RASD1: variants seen among roughly 807,000 people sequenced by gnomAD.
The protein encoded by RASD1 is dexamethasone-induced Ras-related protein 1.
RASD1 carries 13 observed loss-of-function variants against 16.7 expected under a neutral mutation model. That is an observed-to-expected ratio of 0.78 (90% CI 0.51 to 1.24). RASD1 has a LOEUF of 1.24. Ranked by LOEUF, RASD1 falls within the 50% of genes most tolerant of loss-of-function variation. RASD1 has a pLI of 0.00. For synonymous variants in RASD1, 170 were observed against 172.6 expected (o/e 0.98, Z 0.12); for missense variants, 397 against 407.5 (o/e 0.97, Z 0.22).
Position 17,495,428 on chromosome 17 carries a change from GTTC to G in RASD1, c.540_542del (p.Lys180del), listed in dbSNP as rs765782505. On this transcript the variant is annotated inframe_deletion, in exon 2 of 2. Transcript: ENST00000225688. ...CGCGGAACATCTGGTCCAGGCTGCTGTTCTTCTTGGCCGAGATCTCGAAGTAGG... is the reference window on the plus strand; with the variant it reads ...CGCGGAACATCTGGTCCAGGCTGCTGTTCTTGGCCGAGATCTCGAAGTAGG... 5.0e-6 allele frequency: 8 copies of G among 1,607,434 alleles called. No individual in the cohort carries two copies. Among genetic ancestry groups the G allele is most frequent in the East Asian group, 4.5e-5 (2 of 44,624 alleles).
chr17:17,495,309 G>T lies in RASD1; in HGVS notation c.662C>A (p.Ala221Glu). The T allele has an allele frequency of 6.4e-7, 1 of 1,554,350 alleles. No individual in the cohort carries two copies. Residue 221 changes from alanine (A) to glutamate (E), a missense_variant, in exon 2 of 2, where the codon GCG (alanine) becomes GAG (glutamate). By Grantham distance (107) the Ala-to-Glu change is moderately radical (BLOSUM62 -1). Coordinates refer to ENST00000225688, the MANE Select transcript of RASD1 (RefSeq NM_016084.5). ...CCGCAGCAGCTTCTTGTTCCGCAGC[G>T]CCTTCTTGTGCAGCACGTCGCAGTA... ...VQYCDVLHKK[A>E]LRNKKLLRAG...
chr17:17,494,984 C>T lies in RASD1; in HGVS notation c.*141G>A. 1 of 1,052,518 alleles carries T rather than the reference C, an allele frequency of 9.5e-7. No individual in the cohort carries two copies. The highest frequency in any genetic ancestry group is 1.4e-6 in the Non-Finnish European group (1 of 739,384). 65.2% of individuals were successfully genotyped at this position (1,052,518 alleles called of 1,614,324 possible). A position where few individuals can be genotyped will look rare whatever the true frequency, so the allele number is the denominator to read the frequency against. On this transcript the variant is annotated 3_prime_UTR_variant, in exon 2 of 2. Coordinates refer to ENST00000225688, the MANE Select transcript of RASD1 (RefSeq NM_016084.5). Reference sequence around the variant, plus strand: ...TGACCGTCCCTTCTCGGTTCAGTGGCGCCTCCCCAGTGCTGGGGGCGGATC... The same window carrying T: ...TGACCGTCCCTTCTCGGTTCAGTGGTGCCTCCCCAGTGCTGGGGGCGGATC...
rs530381159 is a variant in RASD1, at chr17:17,496,312, G to C, written c.-131C>G. ...GGGCTGGGCGCGGCTCGGGCTTGGG[G>C]CTCCGGCTCCGCTCGGGCTGGGCTC... On this transcript the variant is annotated 5_prime_UTR_variant, in exon 1 of 2. Coordinates refer to ENST00000225688, the MANE Select transcript of RASD1 (RefSeq NM_016084.5). The C allele has an allele frequency of 6.1e-4, 600 of 990,642 alleles. 3 individuals carry two copies. The African/African-American group carries it at 9.4e-3, about 15-fold the overall frequency. The allele number at this position is 990,642 out of a possible 1,614,324, so 61.4% of individuals were successfully genotyped here.
At position 17,495,090 on chromosome 17, in the gene RASD1, C is replaced by T; in HGVS notation, c.*35G>A. On this transcript the variant is annotated 3_prime_UTR_variant, in exon 2 of 2. Coordinates refer to ENST00000225688, the MANE Select transcript of RASD1 (RefSeq NM_016084.5). The stretch of plus-strand genomic sequence containing the variant: ...GTTGGATTTGACTTAACAAAAAGGT[C>T]CTCCTTAGGTTGTGTCGCCAGCGCG... 6.2e-7 allele frequency: 1 copy of T among 1,600,346 alleles called. No homozygotes were observed. Among genetic ancestry groups the T allele is most frequent in the African/African-American group, 1.4e-5 (1 of 74,022 alleles).
In RASD1 at chr17:17,495,113, G is replaced by C. The variant is rs749596673; in HGVS notation, c.*12C>G. ...GTCCTCCTTAGGTTGTGTCGCCAGC[G>C]CGGCGGGGCTCCTAGCTGATGACGC... On this transcript the variant is annotated 3_prime_UTR_variant, in exon 2 of 2. Coordinates refer to ENST00000225688, the MANE Select transcript of RASD1 (RefSeq NM_016084.5). The C allele has an allele frequency of 1.9e-6, 3 of 1,609,812 alleles. No individual in the cohort carries two copies. In the Admixed American group the frequency reaches 5.0e-5, roughly 27 times the overall value.
In RASD1 at chr17:17,495,002, G is replaced by A. The variant is rs1905361173; in HGVS notation, c.*123C>T. 1.0e-4 allele frequency: 130 copies of A among 1,241,868 alleles called. 1 individual carries two copies. The South Asian group carries it at 1.8e-3, about 18-fold the overall frequency. 76.9% of individuals were successfully genotyped at this position (1,241,868 alleles called of 1,614,324 possible). A position where few individuals can be genotyped will look rare whatever the true frequency, so the allele number is the denominator to read the frequency against. The stretch of plus-strand genomic sequence containing the variant: ...TCAGTGGCGCCTCCCCAGTGCTGGG[G>A]GCGGATCGCCGGGAGGGGAGACGCC... On this transcript the variant is annotated 3_prime_UTR_variant, in exon 2 of 2. Coordinates refer to ENST00000225688, the MANE Select transcript of RASD1 (RefSeq NM_016084.5).
rs751107166 is a variant in RASD1 at position 17,495,181 on chromosome 17, C to T, written c.790G>A (p.Glu264Lys). ...GCCTGGCTGCCGGCGCTGGCCTTCTCGCGGATGTACATGAGGTCGCTGTGT... is the reference window on the plus strand; with the variant it reads ...GCCTGGCTGCCGGCGCTGGCCTTCTTGCGGATGTACATGAGGTCGCTGTGT... ...SVHSDLMYIR[E>K]KASAGSQAKD... Residue 264 changes from glutamate (E) to lysine (K), a missense_variant, in exon 2 of 2, where the codon GAG becomes AAG. Physicochemically the swap from Glu to Lys is moderately conservative, Grantham distance 56. Transcript: ENST00000225688. 2 of 1,611,798 alleles carry T rather than the reference C, an allele frequency of 1.2e-6. No homozygotes were observed. Among genetic ancestry groups the T allele is most frequent in the East Asian group, 2.2e-5 (1 of 44,848 alleles).
At position 17,496,307 on chromosome 17, in the gene RASD1, T is replaced by C; in HGVS notation, c.-126A>G. 9.3e-7 allele frequency: 1 copy of C among 1,070,140 alleles called. No individual in the cohort carries two copies. The highest frequency in any genetic ancestry group is 1.3e-6 in the Non-Finnish European group (1 of 775,850). The allele number at this position is 1,070,140 out of a possible 1,614,324, so 66.3% of individuals were successfully genotyped here. On this transcript the variant is annotated 5_prime_UTR_variant, in exon 1 of 2. Coordinates refer to ENST00000225688, the MANE Select transcript of RASD1 (RefSeq NM_016084.5). ...TGCTCGGGCTGGGCGCGGCTCGGGC[T>C]TGGGGCTCCGGCTCCGCTCGGGCTG...
In RASD1 at chr17:17,495,490, C is replaced by G; in HGVS notation, c.481G>C (p.Glu161Gln). ...FYREVDQREI[E>Q]QLVGDDPQRC... ...TGGGGGTCGTCGCCCACCAGCTGCT[C>G]GATCTCGCGCTGGTCCACCTCGCGG... The change falls in exon 2 of 2, where the codon GAG (glutamate) becomes CAG (glutamine). Residue 161 changes from glutamate (E) to glutamine (Q), a missense_variant. Physicochemically the swap from Glu to Gln is conservative, Grantham distance 29 (BLOSUM62 2). Coordinates refer to ENST00000225688, the MANE Select transcript of RASD1 (RefSeq NM_016084.5). The G allele has an allele frequency of 6.2e-7, 1 of 1,610,810 alleles. No individual in the cohort carries two copies. Among genetic ancestry groups the G allele is most frequent in the Admixed American group, 1.7e-5 (1 of 59,772 alleles).
rs1905438126 is a variant in RASD1, at chr17:17,496,259, C to G, written c.-78G>C. The G allele has an allele frequency of 7.0e-7, 1 of 1,437,038 alleles. No individual in the cohort carries two copies. Among genetic ancestry groups the G allele is most frequent in the African/African-American group, 1.4e-5 (1 of 70,442 alleles). 89.0% of individuals were successfully genotyped at this position (1,437,038 alleles called of 1,614,324 possible). ...GGCTGAGGGTCGCTGGGGTGGCACGCGGGGTGAGCGGCTGGAGGGCTCTGC... is the reference window on the plus strand; with the variant it reads ...GGCTGAGGGTCGCTGGGGTGGCACGGGGGGTGAGCGGCTGGAGGGCTCTGC... On this transcript the variant is annotated 5_prime_UTR_variant, in exon 1 of 2. Coordinates refer to ENST00000225688, the MANE Select transcript of RASD1 (RefSeq NM_016084.5).
rs995920304 is a variant in RASD1 at position 17,494,856 on chromosome 17, T to C, written c.*269A>G. On this transcript the variant is annotated 3_prime_UTR_variant, in exon 2 of 2. Coordinates refer to ENST00000225688, the MANE Select transcript of RASD1 (RefSeq NM_016084.5). ...TTGAGAAGATAAATCCACCCTCGGCTGGGCCCTCGCTCCCAAAGTTATGGG... is the reference window on the plus strand; with the variant it reads ...TTGAGAAGATAAATCCACCCTCGGCCGGGCCCTCGCTCCCAAAGTTATGGG... 4 of 557,832 alleles carry C rather than the reference T, an allele frequency of 7.2e-6. No individual in the cohort carries two copies. In the African/African-American group the frequency reaches 8.0e-5, roughly 11 times the overall value. The allele number at this position is 557,832 out of a possible 1,614,324, so 34.6% of individuals were successfully genotyped here. A position where few individuals can be genotyped will look rare whatever the true frequency, so the allele number is the denominator to read the frequency against.
chr17:17,496,298 G>A lies in RASD1; in HGVS notation c.-117C>T, dbSNP rs989254319. On this transcript the variant is annotated 5_prime_UTR_variant, in exon 1 of 2. Coordinates refer to ENST00000225688, the MANE Select transcript of RASD1 (RefSeq NM_016084.5). Reference sequence around the variant, plus strand: ...GGAGGGCTCTGCTCGGGCTGGGCGCGGCTCGGGCTTGGGGCTCCGGCTCCG... The same window carrying A: ...GGAGGGCTCTGCTCGGGCTGGGCGCAGCTCGGGCTTGGGGCTCCGGCTCCG... 112 of 1,185,698 alleles carry A rather than the reference G, an allele frequency of 9.4e-5. No homozygotes were observed. The highest frequency in any genetic ancestry group is 1.2e-4 in the Non-Finnish European group (108 of 874,534). 73.4% of individuals were successfully genotyped at this position (1,185,698 alleles called of 1,614,324 possible). A position where few individuals can be genotyped will look rare whatever the true frequency, so the allele number is the denominator to read the frequency against.
Position 17,494,893 on chromosome 17 carries a change from T to G in RASD1, c.*232A>C. The G allele has an allele frequency of 3.3e-6, 2 of 602,900 alleles. No individual in the cohort carries two copies. Among genetic ancestry groups the G allele is most frequent in the Non-Finnish European group, 5.6e-6 (2 of 355,780 alleles). The allele number at this position is 602,900 out of a possible 1,614,324, so 37.3% of individuals were successfully genotyped here. A position where few individuals can be genotyped will look rare whatever the true frequency, so the allele number is the denominator to read the frequency against. ...CCCAAAGTTATGGGGGTGGCGGGCCTCAATGGGGGACCGGGGGTGGGGAAT... is the reference window on the plus strand; with the variant it reads ...CCCAAAGTTATGGGGGTGGCGGGCCGCAATGGGGGACCGGGGGTGGGGAAT... On this transcript the variant is annotated 3_prime_UTR_variant, in exon 2 of 2. Coordinates refer to ENST00000225688, the MANE Select transcript of RASD1 (RefSeq NM_016084.5).
chr17:17,495,718 G>T (rs769331178), intron 1 of RASD1, 34 bp from the exon 2 acceptor site: 4 of 1,557,720 alleles, frequency 2.6e-6, no homozygotes, highest in Non-Finnish European at 1.7e-6. Flanking sequence ...AAAGGAGAAG[G>T]TGAGGGTGGC....
In RASD1 at chr17:17,496,371, G is replaced by T; in HGVS notation, c.-190C>A. 1.6e-6 allele frequency: 1 copy of T among 607,034 alleles called. No individual in the cohort carries two copies. The highest frequency in any genetic ancestry group is 2.7e-6 in the Non-Finnish European group (1 of 374,242). The allele number at this position is 607,034 out of a possible 1,614,324, so 37.6% of individuals were successfully genotyped here. On this transcript the variant is annotated 5_prime_UTR_variant, in exon 1 of 2. Transcript: ENST00000225688. ...CTGGGCTCGGCTGGGGTTCTCCCAG[G>T]ATCTGGGCACAGGCCGCTTGCTCTG...
Position 17,494,647 on chromosome 17 carries a change from C to T in RASD1, c.*478G>A, listed in dbSNP as rs1905344550. The T allele has an allele frequency of 5.5e-6, 1 of 182,284 alleles. No individual in the cohort carries two copies. The highest frequency in any genetic ancestry group is 1.3e-4 in the South Asian group (1 of 7,686). 11.3% of individuals were successfully genotyped at this position (182,284 alleles called of 1,614,324 possible). A position where few individuals can be genotyped will look rare whatever the true frequency, so the allele number is the denominator to read the frequency against. On this transcript the variant is annotated 3_prime_UTR_variant, in exon 2 of 2. Transcript: ENST00000225688. ...ACAAGTCACTTGGCTATGATTTGAC[C>T]CACGCCCCCCCGCTTAGTTTTGGGA...
At chr17:17,495,782 C>T (rs1005469639) in intron 1 of RASD1, 98 bp from the exon 2 acceptor site, 53 of 1,458,102 alleles carry the variant, frequency 3.6e-5, no homozygotes, top group Non-Finnish European at 4.7e-5. Context: ...GCGCTAGCCT[C>T]TCTAAGCGCG....
At chr17:17,495,872 G>T in intron 1 of RASD1, 24 bp downstream of exon 1, 1 of 1,013,802 alleles carries the variant, frequency 9.9e-7, no homozygotes. Context: ...CTTCCCTCCC[G>T]CACCTGCCCG....
Position 17,495,058 on chromosome 17 carries a change from C to T in RASD1, c.*67G>A, listed in dbSNP as rs554997334. The T allele has an allele frequency of 6.7e-5, 105 of 1,570,328 alleles. No individual in the cohort carries two copies. In the African/African-American group the frequency reaches 1.3e-3, roughly 20 times the overall value. The stretch of plus-strand genomic sequence containing the variant: ...GCGCGCGCTCCCGGCCTGGGGCGCA[C>T]CGGGCCGTTGGATTTGACTTAACAA... On this transcript the variant is annotated 3_prime_UTR_variant, in exon 2 of 2. Coordinates refer to ENST00000225688, the MANE Select transcript of RASD1 (RefSeq NM_016084.5).
Sources: gnomAD v4.1 joint callset for allele counts on GRCh38, gnomAD v4.1.1 for gene constraint, MANE v1.5 for transcripts, NCBI Gene and HGNC (gene_info 2026-07-23, HGNC 2026-07-21) for gene names.